AP1S3: variants seen among roughly 807,000 people sequenced by gnomAD.
AP1S3 encodes the protein adaptor related protein complex 1 subunit sigma 3.
AP1S3 carries 10 observed loss-of-function variants against 20.9 expected under a neutral mutation model. That is an observed-to-expected ratio of 0.48 (90% CI 0.29 to 0.81). The LOEUF (loss-of-function observed/expected upper bound fraction) is 0.81. Among genes scored for constraint, AP1S3 ranks in the 30% least tolerant of loss-of-function variants. The pLI is 0.08. For synonymous variants in AP1S3, 41 were observed against 61.5 expected (o/e 0.67, Z 1.56); for missense variants, 154 against 183.8 (o/e 0.84, Z 0.94).
intron 1 of AP1S3, among the ~76,000 whole-genome samples, chr2:223,826,599 A>ATAACG (rs75726312): frequency 1.3e-5 from 2 of 151,956 alleles, no homozygotes; most frequent in African/African-American, 4.8e-5. Flanking sequence ...TCTCAGAAAC[A>ATAACG]AAACAAAACA....
At chr2:223,769,736 A>ATT (rs61207667) in intron 3 of AP1S3, among the ~76,000 whole-genome samples, 2,102 of 80,150 alleles carry the variant, frequency 0.026, 316 homozygotes, top group East Asian at 0.037. Context: ...ATGCAATCCC[A>ATT]TTTTTTTTTT....
At chr2:223,775,635 G>A (rs1690765891) in intron 3 of AP1S3, among the ~76,000 whole-genome samples, 1 of 152,130 alleles carries the variant, frequency 6.6e-6, no homozygotes, top group Non-Finnish European at 1.5e-5. Context: ...GAGGCCAAGA[G>A]TTCAAGACCC....
chr2:223,825,416 A>G (rs554093332), intron 1 of AP1S3, among the ~76,000 whole-genome samples: 1 of 151,908 alleles, frequency 6.6e-6, no homozygotes, highest in Non-Finnish European at 1.5e-5. Context: ...TATTCTACTC[A>G]CTGACCCCTT....
intron 1 of AP1S3, among the ~76,000 whole-genome samples, chr2:223,793,093 A>G (rs1043880387): frequency 4.6e-5 from 7 of 152,210 alleles, no homozygotes; most frequent in Admixed American, 3.3e-4. Context: ...TGAGGTTGTG[A>G]AGAAAAAGGA....
At chr2:223,768,836 C>T (rs1367643829) in intron 3 of AP1S3, among the ~76,000 whole-genome samples, 1 of 152,118 alleles carries the variant, frequency 6.6e-6, no homozygotes, top group Non-Finnish European at 1.5e-5. Flanking sequence ...GCCTGGGTGA[C>T]AGAGCAAGAC....
intron 1 of AP1S3, among the ~76,000 whole-genome samples, chr2:223,817,950 T>C (rs10193173): frequency 0.32 from 49,096 of 151,804 alleles, 8,510 homozygotes; most frequent in Middle Eastern, 0.43. Flanking sequence ...GCATGGCAGG[T>C]GTGATGCTGG....
chr2:223,793,246 C>A (rs372456464), intron 1 of AP1S3, among the ~76,000 whole-genome samples: 6 of 152,286 alleles, frequency 3.9e-5, no homozygotes, highest in African/African-American at 1.4e-4. Context: ...GAATATAAAT[C>A]ATTCTATTAT....
At position 223,837,504 on chromosome 2, in the gene AP1S3, G is replaced by A. The variant is rs898265862; in HGVS notation, c.-54C>T. On this transcript the variant is annotated 5_prime_UTR_variant, in exon 1 of 5. Transcript: ENST00000396654. The stretch of plus-strand genomic sequence containing the variant: ...TGCGAGCAAGGAGCGCTGGAGAAGC[G>A]AGGGCGAGAGGCGAGCGCTGGAGCC... 2.4e-4 allele frequency: 296 copies of A among 1,226,796 alleles called. 3 individuals are homozygous for A. The East Asian group carries it at 8.5e-3, about 35-fold the overall frequency. The allele number at this position is 1,226,796 out of a possible 1,614,324, so 76.0% of individuals were successfully genotyped here.
At chr2:223,836,853 G>A (rs561702383) in intron 1 of AP1S3, among the ~76,000 whole-genome samples, 2 of 152,132 alleles carry the variant, frequency 1.3e-5, no homozygotes, top group Admixed American at 1.3e-4. Flanking sequence ...GCCTCACCTG[G>A]CAGAAGCCCA....
chr2:223,833,007 C>T lies in AP1S3; in HGVS notation c.3+4441G>A, dbSNP rs112763884. On this transcript the variant is annotated intron_variant, in intron 1 of 4. Coordinates refer to ENST00000396654, the MANE Select transcript of AP1S3 (RefSeq NM_001039569.2). ...ACATAAATAACATACATTATGAGAA[C>T]GGAATTTGCAACACAAAAAGACGGT... 4.9e-3 allele frequency among the ~76,000 whole-genome samples: 742 copies of T among 151,776 alleles called. 3 individuals are homozygous for T. Among genetic ancestry groups the T allele is most frequent in the Non-Finnish European group, 6.3e-3 (431 of 67,942 alleles).
At chr2:223,783,100 T>C (rs778312839) in intron 1 of AP1S3, among the ~76,000 whole-genome samples, 5 of 152,224 alleles carry the variant, frequency 3.3e-5, no homozygotes, top group Non-Finnish European at 5.9e-5. Context: ...TGCAAGTTGA[T>C]GTCATAAACA....
intron 1 of AP1S3, among the ~76,000 whole-genome samples, chr2:223,813,889 T>TATACATCA (rs1691789457): frequency 6.6e-6 from 1 of 152,182 alleles, no homozygotes; most frequent in Non-Finnish European, 1.5e-5. Context: ...AGACGTCCTT[T>TATACATCA]ATACATCAAT....
Position 223,777,732 on chromosome 2 carries a change from G to A in AP1S3, c.141C>T (p.Ser47=). The change falls in exon 2 of 5, where the codon AGC becomes AGT. Residue 47 remains serine (S), a synonymous_variant. Coordinates refer to ENST00000396654, the MANE Select transcript of AP1S3 (RefSeq NM_001039569.2). Reference sequence around the variant, plus strand: ...TTAGCTCCTTCCAGTCAACAAAACTGCTTGTCCTGTGACCACGGGAGAGAA... The same window carrying A: ...TTAGCTCCTTCCAGTCAACAAAACTACTTGTCCTGTGACCACGGGAGAGAA... The part of the protein sequence containing the change: ...QIILSRGHRT[S]SFVDWKELKL... The A allele has an allele frequency of 6.2e-7, 1 of 1,614,024 alleles. No homozygotes were observed. Among genetic ancestry groups the A allele is most frequent in the Non-Finnish European group, 8.5e-7 (1 of 1,179,996 alleles).
chr2:223,808,017 G>A lies in AP1S3; in HGVS notation c.3+29431C>T, dbSNP rs144167396. ...TGATCCTCCCACCTCAGCCTCCTCA[G>A]TAGCTGGGACTCCAGGCACAGATCA... On this transcript the variant is annotated intron_variant, in intron 1 of 4. Transcript: ENST00000396654. Among the ~76,000 whole-genome samples, 13 of 151,664 alleles carry A rather than the reference G, an allele frequency of 8.6e-5. No individual in the cohort carries two copies. In the East Asian group the frequency reaches 2.5e-3, roughly 29 times the overall value.
chr2:223,835,308 C>T (rs1026212270), intron 1 of AP1S3, among the ~76,000 whole-genome samples: 6 of 152,192 alleles, frequency 3.9e-5, no homozygotes, highest in East Asian at 1.9e-4. Context: ...TGAATGAGAT[C>T]GTGAATATAA....
rs11455542 is a variant in AP1S3, at chr2:223,765,134, C to CT, written c.429+78dup. 0.09 allele frequency: 140,445 copies of CT among 1,565,024 alleles called. 16,450 individuals carry two copies. Among genetic ancestry groups the CT allele is most frequent in the African/African-American group, 0.48 (34,568 of 72,576 alleles). ...AGCACAGAGTAAGTACTCAGTAAGT[C>CT]TGGTTAATATTATAATTATTAACAC... On this transcript the variant is annotated intron_variant, in intron 4 of 4. Coordinates refer to ENST00000396654, the MANE Select transcript of AP1S3 (RefSeq NM_001039569.2).
In AP1S3 at chr2:223,777,671, T is replaced by G. The variant is rs1274243089; in HGVS notation, c.182+20A>C. ...CCAAAGTAAGACTGAGAAATTGAGC[T>G]CTCAAAAAGTTACTCACACCTTTTA... On this transcript the variant is annotated intron_variant, in intron 2 of 4. Transcript: ENST00000396654. 2.1e-5 allele frequency: 34 copies of G among 1,604,654 alleles called. No individual in the cohort carries two copies. The highest frequency in any genetic ancestry group is 2.7e-5 in the Non-Finnish European group (32 of 1,175,860).
intron 1 of AP1S3, among the ~76,000 whole-genome samples, chr2:223,783,996 C>G (rs532941109): frequency 2.0e-5 from 3 of 152,316 alleles, no homozygotes; most frequent in Admixed American, 6.5e-5. Flanking sequence ...CGCCACTGCT[C>G]TGATCCTTAC....
chr2:223,778,175 GA>G (rs377481937), intron 1 of AP1S3, among the ~76,000 whole-genome samples: 13,546 of 151,568 alleles, frequency 0.089, 966 homozygotes, highest in African/African-American at 0.18. Flanking sequence ...GCCCAGGCTG[GA>G]GTGCAGTGGC....
Sources: allele counts gnomAD v4.1 joint callset (sites outside exome capture counted in the v4.1 genomes callset), GRCh38; gene constraint gnomAD v4.1.1; transcripts MANE v1.5; gene names NCBI Gene and HGNC (gene_info 2026-07-23, HGNC 2026-07-21).